IRAK2: variants seen among roughly 807,000 people sequenced by gnomAD.
IRAK2 encodes interleukin 1 receptor associated kinase 2, also known as interleukin-1 receptor-associated kinase-like 2.
IRAK2 carries 57 observed loss-of-function variants against 72.0 expected under a neutral mutation model. The ratio of observed to expected loss-of-function variants is 0.79; its 90% CI spans 0.64 to 0.99. IRAK2 has a LOEUF of 0.99. Among genes scored for constraint, IRAK2 ranks in the 50% least tolerant of loss-of-function variants. IRAK2 has a pLI of 0.00. For missense variants in IRAK2, 790 were observed against 794.4 expected (o/e 0.99, Z 0.07); for synonymous variants, 293 against 312.7 (o/e 0.94, Z 0.67).
chr3:10,195,283 G>A (rs1281636331), intron 2 of IRAK2, among the ~76,000 whole-genome samples: 3 of 152,210 alleles, frequency 2.0e-5, no homozygotes, highest in African/African-American at 7.2e-5. Flanking sequence ...TGGACTGGGA[G>A]CAGTGGCTCA....
intron 1 of IRAK2, among the ~76,000 whole-genome samples, chr3:10,169,301 C>G (rs1338345679): frequency 6.6e-6 from 1 of 152,160 alleles, no homozygotes; most frequent in South Asian, 2.1e-4. Flanking sequence ...GCAGACAACC[C>G]GTCTGACTAG....
intron 2 of IRAK2, among the ~76,000 whole-genome samples, chr3:10,194,206 C>CTT (rs1559444026): frequency 6.6e-6 from 1 of 152,136 alleles, no homozygotes; most frequent in Non-Finnish European, 1.5e-5. Flanking sequence ...TGTGCCTGGG[C>CTT]GTGAAGCTGG....
Position 10,177,922 on chromosome 3 carries a change from T to C in IRAK2, c.179T>C (p.Leu60Pro). 1 of 1,613,916 alleles carries C rather than the reference T, an allele frequency of 6.2e-7. No individual in the cohort carries two copies. The highest frequency in any genetic ancestry group is 8.5e-7 in the Non-Finnish European group (1 of 1,180,024). The change falls in exon 2 of 13, where the codon CTG (leucine) becomes CCG (proline). Residue 60 changes from leucine to proline, a missense_variant. Transcript: ENST00000256458. ...CAGGGTGTGAGCATCACGCGGGAGCTGCTGTGGTGGTGGGGCATGCGGCAG... is the reference window on the plus strand; with the variant it reads ...CAGGGTGTGAGCATCACGCGGGAGCCGCTGTGGTGGTGGGGCATGCGGCAG... Reference protein sequence around the residue: ...RVQGVSITRELLWWWGMRQAT... With the variant: ...RVQGVSITREPLWWWGMRQAT...
At chr3:10,198,132 GA>G (rs1190876549) in intron 2 of IRAK2, among the ~76,000 whole-genome samples, 3 of 152,178 alleles carry the variant, frequency 2.0e-5, no homozygotes, top group Non-Finnish European at 4.4e-5. Flanking sequence ...CCGAGAATCG[GA>G]GCTTGCAGTG....
At chr3:10,218,973 G>A (rs1200257443) in intron 7 of IRAK2, among the ~76,000 whole-genome samples, 1 of 152,180 alleles carries the variant, frequency 6.6e-6, no homozygotes, top group Non-Finnish European at 1.5e-5. Context: ...CGAGGTGGAC[G>A]GATCGCTTGA....
chr3:10,202,596 C>G (rs899681191), intron 3 of IRAK2, among the ~76,000 whole-genome samples: 1 of 151,798 alleles, frequency 6.6e-6, no homozygotes, highest in African/African-American at 2.4e-5. Flanking sequence ...GCATTCCAGC[C>G]TGGGTGACAG....
intron 3 of IRAK2, among the ~76,000 whole-genome samples, chr3:10,208,687 C>T (rs963202600): frequency 5.3e-5 from 8 of 151,282 alleles, no homozygotes; most frequent in Middle Eastern, 3.4e-3. Context: ...GGTGTGAACC[C>T]GGGAGGCGGA....
At chr3:10,173,550 G>A (rs1283446929) in intron 1 of IRAK2, among the ~76,000 whole-genome samples, 1 of 152,130 alleles carries the variant, frequency 6.6e-6, no homozygotes. Context: ...GACTGGGTAC[G>A]GTGGCTGATG....
chr3:10,190,438 G>A (rs1022751251), intron 2 of IRAK2, among the ~76,000 whole-genome samples: 3 of 151,370 alleles, frequency 2.0e-5, no homozygotes, highest in Non-Finnish European at 4.4e-5. Flanking sequence ...CCACCACCAC[G>A]CCCAGCTAGA....
chr3:10,181,527 G>A (rs975340533), intron 2 of IRAK2, among the ~76,000 whole-genome samples: 5 of 152,106 alleles, frequency 3.3e-5, no homozygotes, highest in African/African-American at 7.2e-5. Flanking sequence ...TTGAACCTGG[G>A]AGGCGGAGGT....
At chr3:10,169,995 C>T (rs1031947747) in intron 1 of IRAK2, among the ~76,000 whole-genome samples, 15 of 152,198 alleles carry the variant, frequency 9.9e-5, no homozygotes, top group Admixed American at 2.0e-4. Flanking sequence ...CGGTCCTGTT[C>T]GGGGCCCCTG....
At chr3:10,172,239 C>T (rs535871639) in intron 1 of IRAK2, among the ~76,000 whole-genome samples, 9 of 151,504 alleles carry the variant, frequency 5.9e-5, no homozygotes, top group Non-Finnish European at 1.2e-4. Context: ...TGGTGGCAGG[C>T]GCCTGTAGTC....
At chr3:10,189,732 A>G (rs1193141506) in intron 2 of IRAK2, among the ~76,000 whole-genome samples, 1 of 152,140 alleles carries the variant, frequency 6.6e-6, no homozygotes, top group Non-Finnish European at 1.5e-5. Flanking sequence ...GCTGCTATGT[A>G]AAATGAAACA....
In IRAK2 at chr3:10,209,708, G is replaced by A. The variant is rs370477949; in HGVS notation, c.528+16G>A. 30 of 1,429,236 alleles carry A rather than the reference G, an allele frequency of 2.1e-5. No individual in the cohort carries two copies. The highest frequency in any genetic ancestry group is 1.8e-4 in the African/African-American group (12 of 68,044). 88.5% of individuals were successfully genotyped at this position (1,429,236 alleles called of 1,614,324 possible). ...TGATTCAAAGGTAAATCCACCCCTC[G>A]GCTGCAGCCCCCAAGCCATGTCTCC... On this transcript the variant is annotated intron_variant, in intron 4 of 12. Transcript: ENST00000256458.
Position 10,234,674 on chromosome 3 carries a change from C to T in IRAK2, c.1473+15C>T. The T allele has an allele frequency of 1.2e-6, 2 of 1,608,192 alleles. No homozygotes were observed. Among genetic ancestry groups the T allele is most frequent in the Non-Finnish European group, 1.7e-6 (2 of 1,176,966 alleles). ...GCCTGCAGGAGGTGAGCCTCGCCCG[C>T]AGCGGCCTCGCTGCCTGGGCCACGC... On this transcript the variant is annotated intron_variant, in intron 11 of 12. Transcript: ENST00000256458.
chr3:10,237,164 G>A (rs553731640), intron 11 of IRAK2, among the ~76,000 whole-genome samples: 15 of 152,322 alleles, frequency 9.8e-5, no homozygotes, highest in Middle Eastern at 6.8e-3. Context: ...AAGGAAATGC[G>A]GTCTTTAGAT....
intron 2 of IRAK2, among the ~76,000 whole-genome samples, chr3:10,198,281 C>T (rs1441294925): frequency 6.6e-6 from 1 of 152,262 alleles, no homozygotes; most frequent in Non-Finnish European, 1.5e-5. Flanking sequence ...CGAAGCCACT[C>T]ATCACCCCCC....
intron 2 of IRAK2, among the ~76,000 whole-genome samples, chr3:10,186,911 T>C (rs1315232492): frequency 6.6e-6 from 1 of 150,948 alleles, no homozygotes; most frequent in Non-Finnish European, 1.5e-5. Flanking sequence ...ACAGTCCTCT[T>C]GCTTCAGCCT....
chr3:10,207,088 G>GT lies in IRAK2; in HGVS notation c.425-2494dup, dbSNP rs539991258. Among the ~76,000 whole-genome samples, 38 of 151,618 alleles carry GT rather than the reference G, an allele frequency of 2.5e-4. No individual in the cohort carries two copies. In the South Asian group the frequency reaches 7.9e-3, roughly 32 times the overall value. On this transcript the variant is annotated intron_variant, in intron 3 of 12. Coordinates refer to ENST00000256458, the MANE Select transcript of IRAK2 (RefSeq NM_001570.4). Reference sequence around the variant, plus strand: ...GGCTGGTCTTAAACTCTTTTTGTTTGTTTTTTTGTTTGTTTGTTTTGAAGT... The same window carrying GT: ...GGCTGGTCTTAAACTCTTTTTGTTTGTTTTTTTTGTTTGTTTGTTTTGAAGT...
Sources: allele counts gnomAD v4.1 joint callset (sites outside exome capture counted in the v4.1 genomes callset), GRCh38; gene constraint gnomAD v4.1.1; transcripts MANE v1.5; gene names NCBI Gene and HGNC (gene_info 2026-07-23, HGNC 2026-07-21).